CNTNAP2: variants seen among roughly 807,000 people sequenced by gnomAD.
The protein encoded by CNTNAP2 is contactin-associated protein-like 2.
In CNTNAP2, 98 loss-of-function variants were observed where a neutral mutation model predicts 155.2. The observed-to-expected ratio is 0.63, with a 90% CI of 0.54 to 0.75. The LOEUF is 0.75. CNTNAP2 is among the 30% of genes least tolerant of loss of function. The pLI, the probability that CNTNAP2 is intolerant of heterozygous loss-of-function variation, is 0.00. For synonymous variants in CNTNAP2, 651 were observed against 631.2 expected (o/e 1.03, Z -0.47); for missense variants, 1,727 against 1,688.1 (o/e 1.02, Z -0.40).
intron 1 of CNTNAP2, among the ~76,000 whole-genome samples, chr7:146,353,290 C>T (rs983659375): frequency 2.0e-5 from 3 of 152,068 alleles, no homozygotes; most frequent in African/African-American, 4.8e-5. Context: ...TTGACATGGC[C>T]GAACTATTTG....
intron 11 of CNTNAP2, among the ~76,000 whole-genome samples, chr7:147,536,790 T>G (rs1799548869): frequency 6.6e-6 from 1 of 152,164 alleles, no homozygotes; most frequent in African/African-American, 2.4e-5. Context: ...CACTTTCTTT[T>G]TCAAGACCCG....
At chr7:147,452,179 T>A (rs1349631566) in intron 10 of CNTNAP2, among the ~76,000 whole-genome samples, 1 of 152,188 alleles carries the variant, frequency 6.6e-6, no homozygotes, top group Non-Finnish European at 1.5e-5. Flanking sequence ...AGACAAACCC[T>A]AAAAAGGATT....
intron 11 of CNTNAP2, among the ~76,000 whole-genome samples, chr7:147,524,603 T>C (rs1469386214): frequency 1.3e-5 from 2 of 152,212 alleles, no homozygotes; most frequent in East Asian, 1.9e-4. Flanking sequence ...GAGGGATGTG[T>C]AACTAAGGTT....
intron 1 of CNTNAP2, among the ~76,000 whole-genome samples, chr7:146,645,917 T>C (rs1799803599): frequency 1.3e-5 from 2 of 152,204 alleles, no homozygotes; most frequent in African/African-American, 4.8e-5. Flanking sequence ...AATTTCTTTT[T>C]TCCTGTGAGC....
intron 8 of CNTNAP2, among the ~76,000 whole-genome samples, chr7:147,234,441 C>T (rs1048505940): frequency 2.0e-5 from 3 of 149,486 alleles, no homozygotes; most frequent in Admixed American, 6.7e-5. Context: ...AGGTTCACAC[C>T]ATTCTCCTGC....
chr7:146,548,305 T>C (rs1017624484), intron 1 of CNTNAP2, among the ~76,000 whole-genome samples: 2 of 152,104 alleles, frequency 1.3e-5, no homozygotes, highest in African/African-American at 4.8e-5. Context: ...TTTTGTTCTT[T>C]TTTATGGATG....
chr7:146,200,727 G>A (rs746453278), intron 1 of CNTNAP2, among the ~76,000 whole-genome samples: 3 of 152,078 alleles, frequency 2.0e-5, no homozygotes, highest in East Asian at 3.9e-4. Context: ...CTAGGATTGC[G>A]CAAATGCACT....
At chr7:147,532,159 A>G (rs1799451567) in intron 11 of CNTNAP2, among the ~76,000 whole-genome samples, 1 of 151,494 alleles carries the variant, frequency 6.6e-6, no homozygotes, top group Non-Finnish European at 1.5e-5. Context: ...AAACCTTTAT[A>G]CTCTGCTTCC....
At chr7:148,138,251 T>A (rs1189440156) in intron 16 of CNTNAP2, among the ~76,000 whole-genome samples, 1 of 152,226 alleles carries the variant, frequency 6.6e-6, no homozygotes, top group African/African-American at 2.4e-5. Flanking sequence ...AAGATAGCCA[T>A]GCATAGCACA....
At chr7:147,630,684 A>G (rs1188733519) in intron 12 of CNTNAP2, among the ~76,000 whole-genome samples, 2 of 152,206 alleles carry the variant, frequency 1.3e-5, no homozygotes, top group Non-Finnish European at 2.9e-5. Flanking sequence ...CAACCAAATA[A>G]ATATGATGCA....
intron 1 of CNTNAP2, among the ~76,000 whole-genome samples, chr7:146,313,843 A>G (rs903991868): frequency 6.6e-6 from 1 of 152,104 alleles, no homozygotes; most frequent in South Asian, 2.1e-4. Flanking sequence ...TACTAAGAAC[A>G]CAAAAATTAG....
At chr7:146,331,012 C>T (rs1452577994) in intron 1 of CNTNAP2, among the ~76,000 whole-genome samples, 2 of 151,958 alleles carry the variant, frequency 1.3e-5, no homozygotes, top group African/African-American at 4.8e-5. Context: ...TGTTCAATAA[C>T]CAACTATCAT....
intron 20 of CNTNAP2, among the ~76,000 whole-genome samples, chr7:148,250,838 T>A (rs958573227): frequency 2.0e-5 from 3 of 152,116 alleles, no homozygotes; most frequent in Non-Finnish European, 2.9e-5. Flanking sequence ...CATATTTTTG[T>A]TTTGCTTTGT....
rs939377422 is a variant in CNTNAP2 at position 147,022,958 on chromosome 7, T to C, written c.403-20949T>C. Among the ~76,000 whole-genome samples the C allele has an allele frequency of 1.6e-4, 25 of 152,154 alleles. 1 individual carries two copies. The highest frequency in any genetic ancestry group is 5.5e-4 in the African/African-American group (23 of 41,456). ...CTATTCTTTTTAATAGAGGTCATGGTTTGTTATCTATGGAACCGAGAATCA... is the reference window on the plus strand; with the variant it reads ...CTATTCTTTTTAATAGAGGTCATGGCTTGTTATCTATGGAACCGAGAATCA... On this transcript the variant is annotated intron_variant, in intron 3 of 23. Coordinates refer to ENST00000361727, the MANE Select transcript of CNTNAP2 (RefSeq NM_014141.6).
At chr7:148,347,688 A>G (rs1228791761) in intron 21 of CNTNAP2, among the ~76,000 whole-genome samples, 1 of 152,268 alleles carries the variant, frequency 6.6e-6, no homozygotes, top group East Asian at 1.9e-4. Flanking sequence ...AATAAGAGCC[A>G]TTCTATGTAG....
chr7:146,380,760 T>A (rs1485525547), intron 1 of CNTNAP2, among the ~76,000 whole-genome samples: 2 of 136,498 alleles, frequency 1.5e-5, no homozygotes, highest in African/African-American at 2.6e-5. Context: ...AGAAAAAAAA[T>A]ATTTCTTGCT....
At chr7:148,229,460 G>T (rs549181636) in intron 19 of CNTNAP2, among the ~76,000 whole-genome samples, 186 bp from the exon 20 acceptor site, 1 of 152,124 alleles carries the variant, frequency 6.6e-6, no homozygotes. Context: ...GGGAGGCAGA[G>T]GTTGCAGTGA....
intron 8 of CNTNAP2, among the ~76,000 whole-genome samples, chr7:147,143,603 A>G (rs75109138): frequency 0.04 from 6,113 of 152,200 alleles, 378 homozygotes; most frequent in African/African-American, 0.14. Context: ...AAGATGTTAT[A>G]AACTATAACT....
intron 21 of CNTNAP2, among the ~76,000 whole-genome samples, chr7:148,349,470 C>T (rs550421402): frequency 1.5e-4 from 23 of 149,154 alleles, no homozygotes; most frequent in African/African-American, 4.7e-4. Flanking sequence ...GGCGCTATCT[C>T]GGCTCACTGC....
Sources: allele counts gnomAD v4.1 joint callset (sites outside exome capture counted in the v4.1 genomes callset), GRCh38; gene constraint gnomAD v4.1.1; transcripts MANE v1.5; gene names NCBI Gene and HGNC (gene_info 2026-07-23, HGNC 2026-07-21).